The following TPRG1 variants were observed in gnomAD, a reference collection of about 807,000 sequenced individuals.
The protein encoded by TPRG1 is tumor protein p63-regulated gene 1 protein.
A neutral mutation model predicts 29.3 loss-of-function variants in TPRG1; 29 were observed. That is an observed-to-expected ratio of 0.99 (90% CI 0.74 to 1.35). The LOEUF is 1.35. TPRG1 is among the 40% of genes most tolerant of loss of function. The probability of loss-of-function intolerance (pLI) is 0.00; values close to 1 mark genes in which losing one functional copy is unlikely to be tolerated. For synonymous variants in TPRG1, 130 were observed against 116.8 expected, an observed-to-expected ratio of 1.11 and a Z score of -0.73; for missense variants, 327 against 335.0, an observed-to-expected ratio of 0.98 and a Z score of 0.19.
intron 4 of TPRG1, among the ~76,000 whole-genome samples, chr3:189,029,784 C>T (rs760970807): frequency 1.1e-4 from 16 of 152,084 alleles, no homozygotes; most frequent in Non-Finnish European, 1.8e-4. Flanking sequence ...GAATTCTCAC[C>T]GTAGTCATTC....
At chr3:189,168,808 T>C (rs1250888812), upstream of TPRG1, among the ~76,000 whole-genome samples, 2 of 152,180 alleles carry the variant, frequency 1.3e-5, no homozygotes, top group African/African-American at 4.8e-5. Context: ...TTGTAGACAG[T>C]ACCTATTTAC....
At chr3:189,145,951 A>G (rs1725208462) in intron 3 of TPRG1, among the ~76,000 whole-genome samples, 1 of 152,250 alleles carries the variant, frequency 6.6e-6, no homozygotes, top group African/African-American at 2.4e-5. Flanking sequence ...ATCTTCATAT[A>G]TATGAATGGC....
chr3:189,128,873 G>A (rs1232381865), intron 2 of TPRG1, among the ~76,000 whole-genome samples: 3 of 152,124 alleles, frequency 2.0e-5, no homozygotes, highest in Admixed American at 6.5e-5. Context: ...GGGTTCAAGC[G>A]ATTCTTCTGC....
intron 4 of TPRG1, among the ~76,000 whole-genome samples, chr3:189,294,851 GTTAAT>G (rs1356550876): frequency 1.3e-5 from 2 of 151,718 alleles, no homozygotes; most frequent in African/African-American, 4.8e-5. Flanking sequence ...GAAGAAACTG[GTTAAT>G]TTTTTTTTTA....
chr3:189,303,606 T>C (rs1721173613), intron 4 of TPRG1, among the ~76,000 whole-genome samples: 1 of 152,140 alleles, frequency 6.6e-6, no homozygotes, highest in South Asian at 2.1e-4. Context: ...TGGAATAATA[T>C]GACATTCAAA....
intron 4 of TPRG1, among the ~76,000 whole-genome samples, chr3:189,242,197 A>G (rs958764239): frequency 1.3e-5 from 2 of 152,020 alleles, no homozygotes; most frequent in Non-Finnish European, 2.9e-5. Flanking sequence ...TTGATATTTT[A>G]TGTTTATTAT....
intron 4 of TPRG1, among the ~76,000 whole-genome samples, chr3:189,271,316 A>G (rs1359716202): frequency 6.6e-6 from 1 of 152,222 alleles, no homozygotes; most frequent in African/African-American, 2.4e-5. Flanking sequence ...CTCTATTCAC[A>G]TGATGGCCTT....
chr3:189,165,246 C>T (rs1728006653), intron 5 of TPRG1, among the ~76,000 whole-genome samples: 1 of 151,872 alleles, frequency 6.6e-6, no homozygotes, highest in Admixed American at 6.6e-5. Context: ...TCTAACCTTA[C>T]CACACCCTCA....
chr3:189,258,273 C>T (rs184735897), intron 4 of TPRG1, among the ~76,000 whole-genome samples: 175 of 152,014 alleles, frequency 1.2e-3, no homozygotes, highest in African/African-American at 3.9e-3. Flanking sequence ...TTCTGCAAGT[C>T]TCCTGGAGTT....
At chr3:189,076,999 T>C (rs1217307642) in intron 4 of TPRG1, among the ~76,000 whole-genome samples, 1 of 151,262 alleles carries the variant, frequency 6.6e-6, no homozygotes, top group Non-Finnish European at 1.5e-5. Flanking sequence ...TAAGATAAAT[T>C]GTAAATGGCT....
At chr3:189,296,779 CAG>C (rs1390808728) in intron 4 of TPRG1, among the ~76,000 whole-genome samples, 1 of 152,182 alleles carries the variant, frequency 6.6e-6, no homozygotes, top group African/African-American at 2.4e-5. Context: ...TGGAGAGTGA[CAG>C]GGAGATTATA....
chr3:189,304,556 C>G (rs757410048), intron 4 of TPRG1, among the ~76,000 whole-genome samples: 1 of 152,136 alleles, frequency 6.6e-6, no homozygotes, highest in African/African-American at 2.4e-5. Flanking sequence ...CAGCACCTGC[C>G]GATGGGTTTG....
chr3:189,279,403 G>A (rs957805265), intron 4 of TPRG1, among the ~76,000 whole-genome samples: 3 of 152,082 alleles, frequency 2.0e-5, no homozygotes, highest in Non-Finnish European at 4.4e-5. Context: ...GACATAATTG[G>A]GGTGCAGAAA....
intron 4 of TPRG1, among the ~76,000 whole-genome samples, chr3:189,036,733 A>T (rs1714292282): frequency 6.6e-6 from 1 of 152,004 alleles, no homozygotes; most frequent in African/African-American, 2.4e-5. Context: ...AAAGTTGAAA[A>T]TTAGCAAAAT....
chr3:189,249,618 A>T (rs947485821), intron 4 of TPRG1, among the ~76,000 whole-genome samples: 1 of 151,998 alleles, frequency 6.6e-6, no homozygotes, highest in Admixed American at 6.6e-5. Flanking sequence ...TTTAAAATAT[A>T]TTACCATGTT....
chr3:189,090,204 C>T (rs999986945), intron 4 of TPRG1, among the ~76,000 whole-genome samples: 5 of 151,942 alleles, frequency 3.3e-5, no homozygotes, highest in African/African-American at 1.2e-4. Flanking sequence ...GCATAGTATT[C>T]TTATTGTCAT....
At chr3:189,068,999 G>A (rs1469210020) in intron 4 of TPRG1, among the ~76,000 whole-genome samples, 1 of 152,056 alleles carries the variant, frequency 6.6e-6, no homozygotes, top group Non-Finnish European at 1.5e-5. Context: ...GTTACCAGAT[G>A]GGCATTTATT....
At chr3:189,188,734 C>A (rs1299039656) in intron 1 of TPRG1, among the ~76,000 whole-genome samples, 1 of 152,190 alleles carries the variant, frequency 6.6e-6, no homozygotes, top group Admixed American at 6.5e-5. Flanking sequence ...GCCTGCATAG[C>A]ACTTTCATAA....
At chr3:189,106,512 T>C (rs961662681) in intron 1 of TPRG1, among the ~76,000 whole-genome samples, 2 of 152,166 alleles carry the variant, frequency 1.3e-5, no homozygotes, top group Non-Finnish European at 1.5e-5. Context: ...GATATGATTA[T>C]TTAGTGTCTG....
Sources: allele counts gnomAD v4.1 joint callset (sites outside exome capture counted in the v4.1 genomes callset), GRCh38; gene constraint gnomAD v4.1.1; transcripts MANE v1.5; gene names NCBI Gene and HGNC (gene_info 2026-07-23, HGNC 2026-07-21).